Variants in ERG observed in about 807,000 individuals in gnomAD.
The protein encoded by ERG is transcriptional regulator ERG.
A neutral mutation model predicts 55.3 loss-of-function variants in ERG; 9 were observed. The ratio of observed to expected loss-of-function variants is 0.16; its 90% CI spans 0.10 to 0.28. ERG has a LOEUF of 0.28. Ranked by LOEUF, ERG falls within the 10% of genes least tolerant of loss-of-function variation. ERG has a pLI of 1.00. For synonymous variants in ERG, 223 were observed against 237.3 expected (o/e 0.94, Z 0.55); for missense variants, 434 against 631.6 (o/e 0.69, Z 3.35).
At chr21:38,550,044 T>C (rs1162743567) in intron 2 of ERG, among the ~76,000 whole-genome samples, 1 of 152,186 alleles carries the variant, frequency 6.6e-6, no homozygotes, top group Non-Finnish European at 1.5e-5. Flanking sequence ...AGAGTCACCC[T>C]GCATGTCTGG....
At chr21:38,487,136 T>TC (rs2059293354) in intron 1 of ERG, among the ~76,000 whole-genome samples, 2 of 77,178 alleles carry the variant, frequency 2.6e-5, no homozygotes, top group South Asian at 1.3e-3. Flanking sequence ...TTTTTTTTTT[T>TC]CACTATCCTG....
intron 9 of ERG, among the ~76,000 whole-genome samples, chr21:38,384,772 A>C (rs989193871): frequency 6.6e-6 from 1 of 152,114 alleles, no homozygotes; most frequent in East Asian, 1.9e-4. Flanking sequence ...GGCGCTCAGA[A>C]AGCAATTCTG....
intron 1 of ERG, among the ~76,000 whole-genome samples, chr21:38,596,574 C>T (rs1254006480): frequency 6.6e-6 from 1 of 152,222 alleles, no homozygotes; most frequent in Non-Finnish European, 1.5e-5. Context: ...CACTTGATTA[C>T]TTGACAGAAC....
At chr21:38,584,369 C>T (rs1016068843) in intron 1 of ERG, among the ~76,000 whole-genome samples, 7 of 152,116 alleles carry the variant, frequency 4.6e-5, no homozygotes, top group Non-Finnish European at 1.0e-4. Context: ...AGATTCACTG[C>T]CTGGGTGTGC....
At chr21:38,517,828 CA>C (rs1341467935) in intron 2 of ERG, among the ~76,000 whole-genome samples, 1 of 152,070 alleles carries the variant, frequency 6.6e-6, no homozygotes, top group Non-Finnish European at 1.5e-5. Flanking sequence ...AACCGGAGGT[CA>C]TTATGTCAAG....
In ERG at chr21:38,464,436, A is replaced by G. The variant is rs144677243; in HGVS notation, c.19-18815T>C. Among the ~76,000 whole-genome samples the G allele has an allele frequency of 4.2e-3, 640 of 152,362 alleles. 5 individuals are homozygous for G. The highest frequency in any genetic ancestry group is 0.015 in the African/African-American group (608 of 41,590). Reference sequence around the variant, plus strand: ...AAACATCAGACACACTGTGGAAAGCAATTTCATTTCATTAATACAATTCAT... The same window carrying G: ...AAACATCAGACACACTGTGGAAAGCGATTTCATTTCATTAATACAATTCAT... On this transcript the variant is annotated intron_variant, in intron 1 of 9. Coordinates refer to ENST00000288319, the MANE Select transcript of ERG (RefSeq NM_182918.4).
At chr21:38,371,497 A>G in the ERG span, among the ~76,000 whole-genome samples, 2 of 152,142 alleles carry the variant, frequency 1.3e-5, no homozygotes, top group East Asian at 3.9e-4. Context: ...TTTATGTGAA[A>G]TATTTGCTAT....
chr21:38,480,591 C>CTTTTTT (rs544037525), intron 1 of ERG, among the ~76,000 whole-genome samples: 8,316 of 50,408 alleles, frequency 0.16, 1,765 homozygotes, highest in Non-Finnish European at 0.22. Flanking sequence ...ACTATATGGC[C>CTTTTTT]TTTTTTTTTT....
intron 6 of ERG, among the ~76,000 whole-genome samples, chr21:38,399,469 T>G (rs1401744802): frequency 3.9e-5 from 6 of 152,188 alleles, no homozygotes; most frequent in African/African-American, 1.2e-4. Context: ...GAGTTTAACA[T>G]GAATTCTGGA....
intron 9 of ERG, among the ~76,000 whole-genome samples, chr21:38,386,905 A>G (rs545738880): frequency 1.4e-4 from 21 of 152,324 alleles, no homozygotes; most frequent in Non-Finnish European, 2.2e-4. Flanking sequence ...AACAGTGGCA[A>G]GCAGCATTGT....
At chr21:38,461,811 T>A (rs2059045500) in intron 1 of ERG, among the ~76,000 whole-genome samples, 1 of 152,214 alleles carries the variant, frequency 6.6e-6, no homozygotes, top group Admixed American at 6.5e-5. Flanking sequence ...ATTTATTTAT[T>A]TTTATTTTTT....
chr21:38,582,337 T>C (rs1184799123), intron 1 of ERG, among the ~76,000 whole-genome samples: 5 of 152,198 alleles, frequency 3.3e-5, no homozygotes, highest in Non-Finnish European at 7.3e-5. Flanking sequence ...CTTAAACCCA[T>C]GTGCTAACTT....
At chr21:38,450,224 A>G (rs1461229937) in intron 1 of ERG, among the ~76,000 whole-genome samples, 1 of 151,818 alleles carries the variant, frequency 6.6e-6, no homozygotes, top group African/African-American at 2.4e-5. Context: ...AACAAAGAAA[A>G]AAAAATAGCC....
Position 38,642,600 on chromosome 21 carries a change from A to C in ERG, c.-150+19058T>G, listed in dbSNP as rs184345182. Among the ~76,000 whole-genome samples, 7 of 152,314 alleles carry C rather than the reference A, an allele frequency of 4.6e-5. No individual in the cohort carries two copies. The East Asian group carries it at 1.3e-3, about 29-fold the overall frequency. ...TCTTTCCTTTGTATTAATAGGTAACAAAGTCTGGCTGCCTCAAACTCAGAA... is the reference window on the plus strand; with the variant it reads ...TCTTTCCTTTGTATTAATAGGTAACCAAGTCTGGCTGCCTCAAACTCAGAA... On this transcript the variant is annotated intron_variant, in intron 1 of 10. Transcript: ENST00000398910.
chr21:38,632,595 G>A (rs1324341751), intron 1 of ERG, among the ~76,000 whole-genome samples: 4 of 152,128 alleles, frequency 2.6e-5, no homozygotes, highest in Non-Finnish European at 5.9e-5. Context: ...TTTATAAAGG[G>A]GAGTTCCCCT....
At chr21:38,518,776 A>C (rs1006677512) in intron 2 of ERG, among the ~76,000 whole-genome samples, 5 of 152,146 alleles carry the variant, frequency 3.3e-5, no homozygotes, top group African/African-American at 1.2e-4. Context: ...AAGACTAATA[A>C]ATTGAACTGC....
intron 1 of ERG, among the ~76,000 whole-genome samples, chr21:38,485,724 C>T (rs1438202064): frequency 1.3e-5 from 2 of 151,764 alleles, no homozygotes; most frequent in Admixed American, 6.6e-5. Flanking sequence ...TCCCAAAGTG[C>T]TGGGATTACA....
intron 1 of ERG, among the ~76,000 whole-genome samples, chr21:38,481,934 T>A (rs13051739): frequency 6.6e-6 from 1 of 152,224 alleles, no homozygotes; most frequent in Non-Finnish European, 1.5e-5. Context: ...TTGTCAAAGT[T>A]GAATATTTCA....
upstream of ERG, among the ~76,000 whole-genome samples, chr21:38,585,537 T>TTTTTTTTTTTTTTTTTTTTTTTTTTTTTC (rs2060058363): frequency 9.0e-6 from 1 of 111,290 alleles, no homozygotes; most frequent in South Asian, 2.8e-4. Context: ...CTCTTCTTTT[T>TTTTTTTTTTTTTTTTTTTTTTTTTTTTTC]TTTTTTTTTT....
Sources: allele counts gnomAD v4.1 joint callset (sites outside exome capture counted in the v4.1 genomes callset), GRCh38; gene constraint gnomAD v4.1.1; transcripts MANE v1.5; gene names NCBI Gene and HGNC (gene_info 2026-07-23, HGNC 2026-07-21).